COL22A1: variants seen among roughly 807,000 people sequenced by gnomAD.
The protein encoded by COL22A1 is collagen type XXII alpha 1 chain, also known as collagen alpha-1(XXII) chain.
In COL22A1, 221 loss-of-function variants were observed where a neutral mutation model predicts 248.9. The ratio of observed to expected loss-of-function variants is 0.89; its 90% CI spans 0.80 to 0.99. The LOEUF (loss-of-function observed/expected upper bound fraction) is 0.99, where lower values mean the gene tolerates loss of function less well. COL22A1 is among the 50% of genes least tolerant of loss of function. The pLI, the probability that COL22A1 is intolerant of heterozygous loss-of-function variation, is 0.00. For missense variants in COL22A1, 2,240 were observed against 2,179.0 expected, an observed-to-expected ratio of 1.03 and a Z score of -0.56; for synonymous variants, 891 against 793.4, an observed-to-expected ratio of 1.12 and a Z score of -2.07.
chr8:138,802,934 C>T lies in COL22A1; in HGVS notation c.1495G>A (p.Gly499Arg). The T allele has an allele frequency of 6.2e-7, 1 of 1,613,270 alleles. No individual in the cohort carries two copies. Among genetic ancestry groups the T allele is most frequent in the Non-Finnish European group, 8.5e-7 (1 of 1,179,190 alleles). ...ACCGGCCCAATGGCTCCTATGTCTCCCTGAGGGGTTGAGACCAGAGACAAG... is the reference window on the plus strand; with the variant it reads ...ACCGGCCCAATGGCTCCTATGTCTCTCTGAGGGGTTGAGACCAGAGACAAG... ...AGPMGLPGPKGDIGAIGPVGA... is the reference protein window; with the variant it reads ...AGPMGLPGPKRDIGAIGPVGA... The change falls in exon 11 of 65, where the codon GGA becomes AGA. Residue 499 changes from glycine to arginine, a missense_variant and splice_region_variant. Transcript: ENST00000303045.
At position 138,896,786 on chromosome 8, in the gene COL22A1, A is replaced by G. The variant is rs148585772; in HGVS notation, c.-72-13542T>C. Among the ~76,000 whole-genome samples, 249 of 152,274 alleles carry G rather than the reference A, an allele frequency of 1.6e-3. 1 individual carries two copies. The highest frequency in any genetic ancestry group is 5.0e-3 in the African/African-American group (206 of 41,544). On this transcript the variant is annotated intron_variant, in intron 1 of 64. Coordinates refer to ENST00000303045, the MANE Select transcript of COL22A1 (RefSeq NM_152888.3). ...TCAGAAGTTCCAGACCAGCCTGGCTAACATGACGAAACCCCGTCTCTGCTA... is the reference window on the plus strand; with the variant it reads ...TCAGAAGTTCCAGACCAGCCTGGCTGACATGACGAAACCCCGTCTCTGCTA...
intron 22 of COL22A1, among the ~76,000 whole-genome samples, chr8:138,742,984 G>A (rs1466636352): frequency 6.6e-6 from 1 of 151,506 alleles, no homozygotes; most frequent in Middle Eastern, 3.2e-3. Flanking sequence ...TAGTGATTAT[G>A]ATGGTGGAGT....
chr8:138,651,049 C>G (rs1228637538), intron 45 of COL22A1, among the ~76,000 whole-genome samples: 1 of 152,136 alleles, frequency 6.6e-6, no homozygotes, highest in Non-Finnish European at 1.5e-5. Flanking sequence ...TCTTGGTCTC[C>G]GATTTCAGGA....
intron 16 of COL22A1, among the ~76,000 whole-genome samples, chr8:138,774,752 T>G (rs1349640450): frequency 6.6e-6 from 1 of 152,138 alleles, no homozygotes; most frequent in South Asian, 2.1e-4. Flanking sequence ...CTGGAAACAA[T>G]TGTAAATGAT....
chr8:138,747,757 T>C (rs983832255), intron 22 of COL22A1, among the ~76,000 whole-genome samples: 1 of 151,832 alleles, frequency 6.6e-6, no homozygotes, highest in Non-Finnish European at 1.5e-5. Flanking sequence ...TGGTACCCAG[T>C]AGATACAGAA....
At chr8:138,665,732 C>T (rs377059240) in intron 41 of COL22A1, among the ~76,000 whole-genome samples, 46 of 151,998 alleles carry the variant, frequency 3.0e-4, no homozygotes, top group African/African-American at 1.1e-3. Flanking sequence ...TGAGTTTCCA[C>T]GAACTTTGGA....
intron 23 of COL22A1, among the ~76,000 whole-genome samples, chr8:138,727,852 C>T (rs539762537): frequency 2.6e-5 from 4 of 152,154 alleles, no homozygotes; most frequent in Admixed American, 1.3e-4. Flanking sequence ...CCCTAATGGA[C>T]GAGGGCTGCT....
At chr8:138,847,161 G>A (rs112529825) in intron 3 of COL22A1, among the ~76,000 whole-genome samples, 1,896 of 152,316 alleles carry the variant, frequency 0.012, 39 homozygotes, top group African/African-American at 0.041. Context: ...CTTCAGACCT[G>A]GTTGGACCTC....
intron 6 of COL22A1, among the ~76,000 whole-genome samples, chr8:138,823,423 T>C (rs1240473744): frequency 6.6e-6 from 1 of 152,140 alleles, no homozygotes; most frequent in Non-Finnish European, 1.5e-5. Context: ...TTGGCTTTTT[T>C]CTTTTTTCTT....
At chr8:138,895,864 C>T (rs920921731) in intron 1 of COL22A1, among the ~76,000 whole-genome samples, 1 of 152,168 alleles carries the variant, frequency 6.6e-6, no homozygotes, top group Non-Finnish European at 1.5e-5. Context: ...ACATCATAAT[C>T]AAACTTCTGA....
intron 47 of COL22A1, among the ~76,000 whole-genome samples, chr8:138,641,899 A>T (rs1821745912): frequency 6.6e-6 from 1 of 152,216 alleles, no homozygotes; most frequent in Non-Finnish European, 1.5e-5. Flanking sequence ...TGATAAATGA[A>T]GTTGAACAGA....
At position 138,594,090 on chromosome 8, in the gene COL22A1, G is replaced by A. The variant is rs376814137; in HGVS notation, c.4542C>T (p.Ala1514=). 4.0e-5 allele frequency: 63 copies of A among 1,584,666 alleles called. No individual in the cohort carries two copies. The highest frequency in any genetic ancestry group is 4.7e-5 in the Non-Finnish European group (55 of 1,170,398). Residue 1514 remains alanine (A), a synonymous_variant, in exon 63 of 65, where the codon GCC becomes GCT. Coordinates refer to ENST00000303045, the MANE Select transcript of COL22A1 (RefSeq NM_152888.3). Reference sequence around the variant, plus strand: ...GACGACCTGGCTCCCCCATGGGGCCGGCCCGGCCTGGAAGCCCATCTTTTC... The same window carrying A: ...GACGACCTGGCTCCCCCATGGGGCCAGCCCGGCCTGGAAGCCCATCTTTTC... ...PPGKDGLPGR[A]GPMGEPGRPG... is the part of the protein sequence containing the mutation.
At chr8:138,606,897 T>A (rs558900546) in intron 57 of COL22A1, among the ~76,000 whole-genome samples, 4 of 152,244 alleles carry the variant, frequency 2.6e-5, no homozygotes, top group African/African-American at 9.6e-5. Context: ...GGTCAGTACT[T>A]CCAGGATCAA....
At chr8:138,867,506 C>G (rs752776841) in intron 3 of COL22A1, among the ~76,000 whole-genome samples, 3 of 152,148 alleles carry the variant, frequency 2.0e-5, no homozygotes, top group Non-Finnish European at 2.9e-5. Flanking sequence ...AGATTGGGAA[C>G]TATCATTTCA....
intron 16 of COL22A1, among the ~76,000 whole-genome samples, chr8:138,769,759 G>A (rs1834209738): frequency 6.6e-6 from 1 of 152,212 alleles, no homozygotes; most frequent in African/African-American, 2.4e-5. Flanking sequence ...CACTCCTAGT[G>A]CATGACACTG....
intron 35 of COL22A1, among the ~76,000 whole-genome samples, chr8:138,691,312 G>A (rs11166836): frequency 1.3e-5 from 2 of 150,440 alleles, no homozygotes; most frequent in African/African-American, 2.4e-5. Context: ...CGTGTGTGCA[G>A]GTTTGTGGAA....
At chr8:138,756,061 T>G (rs1025346229) in intron 18 of COL22A1, among the ~76,000 whole-genome samples, 5 of 152,156 alleles carry the variant, frequency 3.3e-5, no homozygotes, top group African/African-American at 1.2e-4. Flanking sequence ...GAGTCTTATT[T>G]TCTATTTTGT....
chr8:138,880,583 C>T (rs1314829719), intron 2 of COL22A1, among the ~76,000 whole-genome samples: 1 of 152,242 alleles, frequency 6.6e-6, no homozygotes, highest in Non-Finnish European at 1.5e-5. Context: ...GAATGTTCCA[C>T]ACCTACCTTT....
At chr8:138,799,977 G>A in intron 11 of COL22A1, among the ~76,000 whole-genome samples, 1 of 152,144 alleles carries the variant, frequency 6.6e-6, no homozygotes, top group East Asian at 1.9e-4. Flanking sequence ...TGTTTCTAGA[G>A]AACTCTTACA....
Sources: allele counts gnomAD v4.1 joint callset (sites outside exome capture counted in the v4.1 genomes callset), GRCh38; gene constraint gnomAD v4.1.1; transcripts MANE v1.5; gene names NCBI Gene and HGNC (gene_info 2026-07-23, HGNC 2026-07-21).